Variants in ROBO2 observed in about 807,000 individuals in gnomAD.
ROBO2 encodes roundabout homolog 2.
Under a neutral mutation model 160.8 loss-of-function variants are expected in ROBO2, and 53 were observed. That is an observed-to-expected ratio of 0.33 (90% CI 0.26 to 0.41). The LOEUF (loss-of-function observed/expected upper bound fraction) is 0.41. ROBO2 is among the 10% of genes least tolerant of loss of function. The pLI, the probability that ROBO2 is intolerant of heterozygous loss-of-function variation, is 1.00. For synonymous variants in ROBO2, 664 were observed against 611.7 expected (o/e 1.09, Z -1.26); for missense variants, 1,577 against 1,722.4 (o/e 0.92, Z 1.49).
intron 2 of ROBO2, among the ~76,000 whole-genome samples, chr3:77,355,899 C>T (rs188200485): frequency 6.7e-6 from 1 of 149,878 alleles, no homozygotes; most frequent in Admixed American, 6.7e-5. Context: ...TAATGAGCAG[C>T]TATCAATCTC....
intron 2 of ROBO2, among the ~76,000 whole-genome samples, chr3:76,565,171 C>G (rs1312083863): frequency 6.6e-6 from 1 of 152,116 alleles, no homozygotes; most frequent in Non-Finnish European, 1.5e-5. Flanking sequence ...CCCCTTCATT[C>G]TAATGAGATT....
chr3:76,880,858 A>G (rs142575334), intron 2 of ROBO2, among the ~76,000 whole-genome samples: 6 of 152,320 alleles, frequency 3.9e-5, no homozygotes, highest in African/African-American at 1.4e-4. Flanking sequence ...ACTTTGTGAT[A>G]CTTTATTAAC....
At chr3:76,808,436 G>A (rs1335854000) in intron 2 of ROBO2, among the ~76,000 whole-genome samples, 1 of 152,060 alleles carries the variant, frequency 6.6e-6, no homozygotes, top group African/African-American at 2.4e-5. Flanking sequence ...TATTCTAGGT[G>A]TTAGGAACAC....
chr3:77,058,735 A>G (rs1399821390), intron 1 of ROBO2, among the ~76,000 whole-genome samples: 1 of 150,594 alleles, frequency 6.6e-6, no homozygotes, highest in Non-Finnish European at 1.5e-5. Flanking sequence ...ATGGGGTTTC[A>G]TCATGTTGCC....
Position 77,460,949 on chromosome 3 carries a change from G to T in ROBO2, c.389-16465G>T, listed in dbSNP as rs144734783. On this transcript the variant is annotated intron_variant, in intron 2 of 25. Coordinates refer to ENST00000461745, the Ensembl canonical transcript of ROBO2. ...ATATTTTATTGAGCCATCCGCTGTT[G>T]TATGGAAGTCTTATTCGACCAAATA... 9.5e-3 allele frequency among the ~76,000 whole-genome samples: 1,448 copies of T among 152,152 alleles called. 23 individuals are homozygous for T. Among genetic ancestry groups the T allele is most frequent in the African/African-American group, 0.032 (1,340 of 41,492 alleles).
At chr3:76,232,966 C>G (rs1422336895) in intron 2 of ROBO2, among the ~76,000 whole-genome samples, 1 of 152,186 alleles carries the variant, frequency 6.6e-6, no homozygotes, top group African/African-American at 2.4e-5. Context: ...CACCGTCACT[C>G]TCTTTCTAAA....
intron 2 of ROBO2, among the ~76,000 whole-genome samples, chr3:76,081,645 C>G (rs577028682): frequency 1.2e-4 from 19 of 152,178 alleles, no homozygotes; most frequent in African/African-American, 4.3e-4. Context: ...CATCAGAAAG[C>G]AACCCATGTC....
intron 2 of ROBO2, among the ~76,000 whole-genome samples, chr3:76,816,411 C>T (rs954428781): frequency 5.3e-5 from 8 of 152,010 alleles, no homozygotes; most frequent in East Asian, 1.9e-4. Context: ...ACAAGAAATG[C>T]TCCATGAATA....
chr3:76,148,463 A>G lies in ROBO2; in HGVS notation c.109+210861A>G, dbSNP rs995922800. Among the ~76,000 whole-genome samples the G allele has an allele frequency of 5.3e-5, 8 of 152,056 alleles. No individual in the cohort carries two copies. The South Asian group carries it at 1.7e-3, about 32-fold the overall frequency. ...TAATACCTCCAAACTTAAACAAATTAAAGCATCTTTTCCCTTTCATTACAG... is the reference window on the plus strand; with the variant it reads ...TAATACCTCCAAACTTAAACAAATTGAAGCATCTTTTCCCTTTCATTACAG... On this transcript the variant is annotated intron_variant, in intron 2 of 26. Coordinates refer to the ROBO2 transcript ENST00000487694.
chr3:77,042,153 A>C (rs1481980997), intron 1 of ROBO2, among the ~76,000 whole-genome samples: 1 of 152,200 alleles, frequency 6.6e-6, no homozygotes, highest in Non-Finnish European at 1.5e-5. Context: ...CCCCCCAGCG[A>C]TAGTGAGGGA....
intron 2 of ROBO2, among the ~76,000 whole-genome samples, chr3:77,432,998 G>C (rs1189601417): frequency 6.6e-6 from 1 of 152,164 alleles, no homozygotes; most frequent in Non-Finnish European, 1.5e-5. Flanking sequence ...TCACCGCAGA[G>C]GTGAGGACAT....
At chr3:77,449,712 A>G (rs1273534332) in intron 2 of ROBO2, among the ~76,000 whole-genome samples, 2 of 152,122 alleles carry the variant, frequency 1.3e-5, no homozygotes, top group Non-Finnish European at 2.9e-5. Flanking sequence ...TGTGCTTTAT[A>G]TGACTTCCAC....
intron 2 of ROBO2, among the ~76,000 whole-genome samples, chr3:76,539,268 A>G (rs263522): frequency 0.038 from 5,811 of 152,086 alleles, 383 homozygotes; most frequent in African/African-American, 0.13. Context: ...CCTGGAGGAC[A>G]GCTTGATAGG....
At chr3:77,191,043 C>T (rs181766347) in intron 2 of ROBO2, among the ~76,000 whole-genome samples, 308 of 152,028 alleles carry the variant, frequency 2.0e-3, no homozygotes, top group Middle Eastern at 0.017. Flanking sequence ...AAGATAAAAA[C>T]GAATTAACAA....
chr3:76,564,610 A>C (rs2108521127), intron 2 of ROBO2, among the ~76,000 whole-genome samples: 1 of 152,318 alleles, frequency 6.6e-6, no homozygotes, highest in South Asian at 2.1e-4. Context: ...ACACAGGTTA[A>C]TCTTTCCAGG....
At chr3:76,503,000 ATGTGTG>A (rs76969660) in intron 2 of ROBO2, among the ~76,000 whole-genome samples, 1 of 143,060 alleles carries the variant, frequency 7.0e-6, no homozygotes, top group Non-Finnish European at 1.5e-5. Context: ...ATATATATAT[ATGTGTG>A]TGTGTGTGTG....
At chr3:77,514,077 C>T (rs1004753189) in intron 5 of ROBO2, among the ~76,000 whole-genome samples, 4 of 151,522 alleles carry the variant, frequency 2.6e-5, no homozygotes, top group Non-Finnish European at 5.9e-5. Flanking sequence ...TTAATTACAG[C>T]CAATGATACC....
At chr3:77,433,921 G>A (rs2079039511) in intron 2 of ROBO2, among the ~76,000 whole-genome samples, 1 of 151,926 alleles carries the variant, frequency 6.6e-6, no homozygotes, top group Admixed American at 6.6e-5. Context: ...ATATAATTGG[G>A]AATCCATCTA....
At chr3:77,236,393 A>G (rs559636584) in intron 2 of ROBO2, among the ~76,000 whole-genome samples, 1 of 152,272 alleles carries the variant, frequency 6.6e-6, no homozygotes, top group South Asian at 2.1e-4. Flanking sequence ...TGCCAGTGCT[A>G]ATGCTGGTCA....
Sources: gnomAD v4.1 joint callset for allele counts (sites outside exome capture counted in the v4.1 genomes callset) on GRCh38, gnomAD v4.1.1 for gene constraint, MANE v1.5 for transcripts, NCBI Gene and HGNC (gene_info 2026-07-23, HGNC 2026-07-21) for gene names.